The following TAFA2 variants were observed in gnomAD, a reference collection of about 807,000 sequenced individuals.
TAFA2 encodes the protein TAFA chemokine like family member 2, also known as chemokine-like protein TAFA-2.
A neutral mutation model predicts 18.8 loss-of-function variants in TAFA2; 7 were observed. The observed-to-expected ratio is 0.37, with a 90% confidence interval of 0.21 to 0.70. The LOEUF is 0.70. TAFA2 is among the 30% of genes least tolerant of loss of function. The pLI is 0.53. For synonymous variants in TAFA2, 60 were observed against 54.2 expected (o/e 1.11, Z -0.47); for missense variants, 122 against 158.1 (o/e 0.77, Z 1.23).
chr12:61,882,401 T>A (rs2121274639), intron 1 of TAFA2, among the ~76,000 whole-genome samples: 1 of 152,304 alleles, frequency 6.6e-6, no homozygotes, highest in Non-Finnish European at 1.5e-5. Flanking sequence ...GCTGGTTTTC[T>A]CAGTTGATTG....
chr12:61,961,149 GAGA>G, intron 1 of TAFA2, among the ~76,000 whole-genome samples: 1 of 151,980 alleles, frequency 6.6e-6, no homozygotes, highest in Middle Eastern at 3.4e-3. Flanking sequence ...AGGAAAGAGA[GAGA>G]AGGTGGGAGG....
chr12:61,869,650 T>G (rs925906490), intron 1 of TAFA2, among the ~76,000 whole-genome samples: 2 of 152,206 alleles, frequency 1.3e-5, no homozygotes, highest in East Asian at 1.9e-4. Context: ...CAGAGCACAC[T>G]AGTGTCCTCA....
intron 1 of TAFA2, among the ~76,000 whole-genome samples, chr12:61,955,615 AAAAAAAAAAAAAAAAAAATAT>A (rs1320654490): frequency 0.043 from 1,288 of 30,104 alleles, 52 homozygotes; most frequent in African/African-American, 0.096. Flanking sequence ...AAAAAAAAAA[AAAAAAAAAAAAAAAAAAATAT>A]ATATATATAT....
intron 1 of TAFA2, among the ~76,000 whole-genome samples, chr12:62,131,358 C>T (rs1291821059): frequency 6.6e-6 from 1 of 152,040 alleles, no homozygotes; most frequent in East Asian, 1.9e-4. Context: ...AAATAGTTAG[C>T]TCCTCCCTAT....
intron 1 of TAFA2, among the ~76,000 whole-genome samples, chr12:61,933,773 C>T (rs1464582265): frequency 6.6e-6 from 1 of 152,150 alleles, no homozygotes; most frequent in East Asian, 1.9e-4. Flanking sequence ...ATAGTAAGAA[C>T]AATAATGACC....
At chr12:61,766,344 A>G (rs528153814) in intron 2 of TAFA2, among the ~76,000 whole-genome samples, 2 of 152,164 alleles carry the variant, frequency 1.3e-5, no homozygotes, top group African/African-American at 2.4e-5. Context: ...TGCATCCTAC[A>G]CTGAAGGCAC....
At chr12:62,134,777 C>G (rs1040750824) in intron 1 of TAFA2, among the ~76,000 whole-genome samples, 1 of 152,022 alleles carries the variant, frequency 6.6e-6, no homozygotes, top group Admixed American at 6.6e-5. Context: ...ATGGTTCCTA[C>G]TACTTCTCCA....
At chr12:61,840,162 G>A (rs1385017590) in intron 2 of TAFA2, among the ~76,000 whole-genome samples, 2 of 152,060 alleles carry the variant, frequency 1.3e-5, no homozygotes, top group African/African-American at 4.8e-5. Flanking sequence ...AGTGCTTCAG[G>A]AGTCAAGTTA....
At chr12:62,207,841 G>T (rs2062698499) in intron 1 of TAFA2, among the ~76,000 whole-genome samples, 1 of 152,172 alleles carries the variant, frequency 6.6e-6, no homozygotes, top group Non-Finnish European at 1.5e-5. Flanking sequence ...AGAGTATCTA[G>T]GTATGAAAGA....
chr12:61,925,084 A>T (rs939637550), intron 1 of TAFA2, among the ~76,000 whole-genome samples: 1 of 152,184 alleles, frequency 6.6e-6, no homozygotes, highest in African/African-American at 2.4e-5. Context: ...CATATTCAAA[A>T]AGCAACCTTT....
At chr12:61,820,098 T>C (rs1033562196) in intron 2 of TAFA2, among the ~76,000 whole-genome samples, 3 of 152,086 alleles carry the variant, frequency 2.0e-5, no homozygotes, top group Non-Finnish European at 2.9e-5. Flanking sequence ...TAAAGAAAAC[T>C]GCATTTACAT....
chr12:62,116,220 C>T (rs1010456705), intron 1 of TAFA2, among the ~76,000 whole-genome samples: 1 of 152,140 alleles, frequency 6.6e-6, no homozygotes, highest in Non-Finnish European at 1.5e-5. Context: ...TCTTTCACAG[C>T]AGCATACACT....
intron 1 of TAFA2, among the ~76,000 whole-genome samples, chr12:61,996,106 A>T (rs528676272): frequency 1.3e-5 from 2 of 152,296 alleles, no homozygotes; most frequent in Admixed American, 6.5e-5. Flanking sequence ...GGTACTATAA[A>T]AATAAATGAC....
chr12:61,969,503 G>A (rs1490454851), intron 1 of TAFA2, among the ~76,000 whole-genome samples: 1 of 151,626 alleles, frequency 6.6e-6, no homozygotes, highest in East Asian at 1.9e-4. Context: ...CTTCGTCTGA[G>A]TGCCTAAATC....
chr12:62,035,250 C>A (rs1021483201), intron 1 of TAFA2, among the ~76,000 whole-genome samples: 2 of 152,100 alleles, frequency 1.3e-5, no homozygotes, highest in Non-Finnish European at 2.9e-5. Context: ...ACTATGCTGG[C>A]CACTGAGGGA....
chr12:61,826,572 A>G (rs1022579583), intron 2 of TAFA2, among the ~76,000 whole-genome samples: 1 of 152,088 alleles, frequency 6.6e-6, no homozygotes, highest in Non-Finnish European at 1.5e-5. Flanking sequence ...CAAAGCAAAT[A>G]ATTTATGAAT....
At chr12:61,942,387 G>A (rs1403680106) in intron 1 of TAFA2, among the ~76,000 whole-genome samples, 2 of 151,492 alleles carry the variant, frequency 1.3e-5, no homozygotes, top group South Asian at 2.1e-4. Context: ...ACTCTAAAAC[G>A]CAGAGAGCCT....
At chr12:62,232,515 CTTTG>C (rs997078227) in intron 1 of TAFA2, among the ~76,000 whole-genome samples, 5 of 152,064 alleles carry the variant, frequency 3.3e-5, no homozygotes, top group South Asian at 2.1e-4. Flanking sequence ...GAGTCCACGT[CTTTG>C]TTTGTTTGTT....
chr12:61,768,530 G>T (rs968551504), intron 2 of TAFA2, among the ~76,000 whole-genome samples: 2 of 152,126 alleles, frequency 1.3e-5, no homozygotes, highest in East Asian at 3.9e-4. Flanking sequence ...GAGGGGGAAG[G>T]TCCACCTCCA....
Sources: gnomAD v4.1 joint callset for allele counts (sites outside exome capture counted in the v4.1 genomes callset) on GRCh38, gnomAD v4.1.1 for gene constraint, MANE v1.5 for transcripts, NCBI Gene and HGNC (gene_info 2026-07-23, HGNC 2026-07-21) for gene names.